The following VPS53 variants were observed in gnomAD, a reference collection of about 807,000 sequenced individuals.
VPS53 encodes the protein vacuolar protein sorting-associated protein 53 homolog.
VPS53 carries 70 observed loss-of-function variants against 107.0 expected under a neutral mutation model. The observed-to-expected ratio is 0.65, with a 90% CI of 0.54 to 0.80. The LOEUF (loss-of-function observed/expected upper bound fraction) is 0.80. VPS53 is among the 30% of genes least tolerant of loss of function. VPS53 has a pLI of 0.00. For missense variants in VPS53, 917 were observed against 1,049.4 expected (o/e 0.87, Z 1.74); for synonymous variants, 409 against 393.3 (o/e 1.04, Z -0.47).
chr17:688,945 A>G (rs1344734305), intron 4 of VPS53, among the ~76,000 whole-genome samples: 1 of 152,208 alleles, frequency 6.6e-6, no homozygotes, highest in Non-Finnish European at 1.5e-5. Context: ...AAAAAATAAT[A>G]ACAGAAAAGA....
At chr17:666,969 T>C (rs1391902560) in intron 4 of VPS53, among the ~76,000 whole-genome samples, 1 of 151,898 alleles carries the variant, frequency 6.6e-6, no homozygotes, top group Non-Finnish European at 1.5e-5. Flanking sequence ...AGGGAAGTTG[T>C]TGGTGACCTT....
chr17:591,190 T>C (rs1219098417), intron 12 of VPS53, among the ~76,000 whole-genome samples: 1 of 152,266 alleles, frequency 6.6e-6, no homozygotes, highest in East Asian at 1.9e-4. Context: ...TATTCTCTGA[T>C]GGTAGTTTGT....
At chr17:670,787 C>T (rs1317799188) in intron 4 of VPS53, among the ~76,000 whole-genome samples, 1 of 152,188 alleles carries the variant, frequency 6.6e-6, no homozygotes, top group African/African-American at 2.4e-5. Flanking sequence ...TTCCGAAGAG[C>T]TGGTATGGCT....
intron 2 of VPS53, among the ~76,000 whole-genome samples, chr17:703,617 T>A (rs1173955042): frequency 6.6e-6 from 1 of 152,222 alleles, no homozygotes; most frequent in African/African-American, 2.4e-5. Context: ...GTTTACTTTT[T>A]AAATGTTTTA....
chr17:688,744 G>A (rs897630133), intron 4 of VPS53, among the ~76,000 whole-genome samples: 2 of 152,136 alleles, frequency 1.3e-5, no homozygotes, highest in African/African-American at 4.8e-5. Context: ...TGCACTAGAC[G>A]TAAGAAATCC....
At position 679,860 on chromosome 17, in the gene VPS53, G is replaced by A. The variant is rs199697996; in HGVS notation, c.285+17558C>T. Among the ~76,000 whole-genome samples the A allele has an allele frequency of 1.2e-4, 18 of 152,144 alleles. No homozygotes were observed. In the East Asian group the frequency reaches 3.5e-3, roughly 30 times the overall value. On this transcript the variant is annotated intron_variant, in intron 4 of 21. Transcript: ENST00000437048. ...GCATCCCAGTTTGTTTTATAAAGCT[G>A]ACAAAGGTCAGGCATGGTGGCTCAC...
chr17:714,157 A>G lies in VPS53; in HGVS notation c.87+466T>C, dbSNP rs192440386. The G allele has an allele frequency of 3.8e-5, 6 of 159,468 alleles. No homozygotes were observed. In the East Asian group the frequency reaches 1.1e-3, roughly 30 times the overall value. 9.9% of individuals were successfully genotyped at this position (159,468 alleles called of 1,614,324 possible). The stretch of plus-strand genomic sequence containing the variant: ...AATTCTCAACCTTTTAAGAATGGTA[A>G]CGATGTCATTTTTCAACACTTTCTC... On this transcript the variant is annotated intron_variant, in intron 1 of 21. Coordinates refer to ENST00000437048, the MANE Select transcript of VPS53 (RefSeq NM_001128159.3).
chr17:591,075 A>G (rs889159943), intron 12 of VPS53, among the ~76,000 whole-genome samples: 3 of 152,154 alleles, frequency 2.0e-5, no homozygotes, highest in Non-Finnish European at 4.4e-5. Flanking sequence ...TGGTCTATTC[A>G]GAGATTCAAC....
intron 7 of VPS53, 76 bp downstream of exon 7, chr17:653,215 C>T: frequency 6.3e-7 from 1 of 1,574,882 alleles, no homozygotes; most frequent in Non-Finnish European, 8.6e-7. Context: ...TACTTTCCCT[C>T]TGGTGACAGT....
intron 6 of VPS53, 55 bp from the exon 7 acceptor site, chr17:653,465 C>T (rs1971044409): frequency 6.2e-7 from 1 of 1,611,284 alleles, no homozygotes; most frequent in Non-Finnish European, 8.5e-7. Context: ...ACGCAAGATA[C>T]AGACACAGAA....
intron 12 of VPS53, among the ~76,000 whole-genome samples, chr17:589,229 G>C (rs964900815): frequency 1.3e-5 from 2 of 149,962 alleles, no homozygotes; most frequent in African/African-American, 4.9e-5. Flanking sequence ...TTTAAATTTT[G>C]AACATGTATA....
rs571417856 is a variant in VPS53, at chr17:604,850, T to C, written c.1117-2954A>G. Among the ~76,000 whole-genome samples, 30 of 152,290 alleles carry C rather than the reference T, an allele frequency of 2.0e-4. No homozygotes were observed. In the South Asian group the frequency reaches 6.0e-3, roughly 30 times the overall value. On this transcript the variant is annotated intron_variant, in intron 11 of 21. Transcript: ENST00000437048. Reference sequence around the variant, plus strand: ...AAGTTAGTACAGGAAAAGTGATTCATTCCTTCCCTCATCCACTCAACAAAG... The same window carrying C: ...AAGTTAGTACAGGAAAAGTGATTCACTCCTTCCCTCATCCACTCAACAAAG...
chr17:671,995 A>G (rs1331950435), intron 4 of VPS53, among the ~76,000 whole-genome samples: 1 of 151,778 alleles, frequency 6.6e-6, no homozygotes, highest in Admixed American at 6.6e-5. Context: ...AATTGGGAAA[A>G]AGAGTTTGTC....
chr17:530,811 C>G (rs1567600968), intron 19 of VPS53, among the ~76,000 whole-genome samples: 2 of 152,104 alleles, frequency 1.3e-5, no homozygotes, highest in African/African-American at 2.4e-5. Context: ...TTCCACGTGC[C>G]CTTGCAATTG....
At position 543,599 on chromosome 17, in the gene VPS53, G is replaced by A. The variant is rs147709961; in HGVS notation, c.1867-6423C>T. ...GGGAGCCCACGGCTCTCTATCCTAC[G>A]TACAGGGGCATAACCAGACATACTC... On this transcript the variant is annotated intron_variant, in intron 17 of 21. Transcript: ENST00000437048. Among the ~76,000 whole-genome samples the A allele has an allele frequency of 3.1e-3, 466 of 151,630 alleles. 5 individuals are homozygous for A. Among genetic ancestry groups the A allele is most frequent in the African/African-American group, 5.8e-3 (238 of 41,310 alleles).
At chr17:685,072 C>T (rs370775722) in intron 4 of VPS53, 5 of 152,132 alleles carry the variant, frequency 3.3e-5, no homozygotes, top group African/African-American at 1.2e-4. Flanking sequence ...GTAAAAACTG[C>T]CTTGCTTTAG....
rs866123522 is a variant in VPS53, at chr17:593,198, T to C, written c.1219-6834A>G. On this transcript the variant is annotated intron_variant, in intron 12 of 21. Transcript: ENST00000437048. ...GACTTAAACGTTAGACCTAAAACCA[T>C]AAAAACCCTAGAAGAAAACCTAGGC... 2.2e-3 allele frequency among the ~76,000 whole-genome samples: 336 copies of C among 152,052 alleles called. 2 individuals are homozygous for C. Among genetic ancestry groups the C allele is most frequent in the African/African-American group, 7.6e-3 (316 of 41,486 alleles).
chr17:621,899 T>C (rs958170759), intron 11 of VPS53, among the ~76,000 whole-genome samples: 4 of 152,224 alleles, frequency 2.6e-5, no homozygotes, highest in African/African-American at 9.7e-5. Context: ...ATGTCTTATT[T>C]AGTCTCCCTA....
Position 524,963 on chromosome 17 carries a change from T to C in VPS53, c.2086-3225A>G, listed in dbSNP as rs1909022424. 1.3e-5 allele frequency among the ~76,000 whole-genome samples: 2 copies of C among 151,308 alleles called. No individual in the cohort carries two copies. Among genetic ancestry groups the C allele is most frequent in the African/African-American group, 4.8e-5 (2 of 41,378 alleles). ...ATACTTATATCCATTAGAGGAATTC[T>C]TGCCCATGTAAAAACGTTCCCTGCA... On this transcript the variant is annotated intron_variant, in intron 19 of 21. Transcript: ENST00000437048. This position sits in a 1 kb window ranked among gnomAD's most constrained non-coding sequence, Gnocchi z 4.5.
Sources: gnomAD v4.1 joint callset for allele counts (sites outside exome capture counted in the v4.1 genomes callset) on GRCh38, gnomAD v4.1.1 for gene constraint, Gnocchi (gnomAD v3.1) non-coding constraint, MANE v1.5 for transcripts, NCBI Gene and HGNC (gene_info 2026-07-23, HGNC 2026-07-21) for gene names.